Variants in KIAA1217 observed in about 807,000 individuals in gnomAD.
KIAA1217 encodes KIAA1217, also known as sickle tail protein homolog.
In KIAA1217, 88 loss-of-function variants were observed where a neutral mutation model predicts 163.9. That is an observed-to-expected ratio of 0.54 (90% CI 0.45 to 0.64). The LOEUF is 0.64. Ranked by LOEUF, KIAA1217 falls within the 30% of genes least tolerant of loss-of-function variation. The pLI is 0.00. For missense variants in KIAA1217, 2,372 were observed against 2,475.0 expected (o/e 0.96, Z 0.88); for synonymous variants, 903 against 923.1 (o/e 0.98, Z 0.39).
rs72776784 is a variant in KIAA1217 at position 24,492,731 on chromosome 10, C to T, written c.1680-1769C>T. On this transcript the variant is annotated intron_variant, in intron 6 of 20. Transcript: ENST00000376454. ...ACATTCCAAAGGCAAAACTCAAGGC[C>T]GCAATGCTTGAGTTGGACAAAATTA... Among the ~76,000 whole-genome samples the T allele has an allele frequency of 9.9e-3, 1,507 of 152,142 alleles. 17 individuals are homozygous for T. Among genetic ancestry groups the T allele is most frequent in the Non-Finnish European group, 0.016 (1,057 of 67,988 alleles).
At position 24,521,847 on chromosome 10, in the gene KIAA1217, T is replaced by C; in HGVS notation, c.2374T>C (p.Phe792Leu). The C allele has an allele frequency of 6.2e-7, 1 of 1,613,830 alleles. No homozygotes were observed. Among genetic ancestry groups the C allele is most frequent in the Non-Finnish European group, 8.5e-7 (1 of 1,179,998 alleles). The change falls in exon 12 of 21, where the codon TTT becomes CTT. Residue 792 changes from phenylalanine (F) to leucine (L), a missense_variant. Phe to Leu is a conservative substitution (Grantham distance 22, BLOSUM62 0). Transcript: ENST00000376454. ...ILRIEVEAVR[F>L]LKEEPHKLDS... is the part of the protein sequence containing the mutation. ...GCGCATAGAAGTGGAGGCCGTGCGG[T>C]TTCTGAAGGAGGAGCCACACAAGCT...
At chr10:24,095,862 T>C (rs2062138481) in intron 2 of KIAA1217, among the ~76,000 whole-genome samples, 1 of 152,146 alleles carries the variant, frequency 6.6e-6, no homozygotes, top group Non-Finnish European at 1.5e-5. Context: ...TCCCGGCACT[T>C]TGGGAGGCCA....
At chr10:24,006,573 A>C (rs1356078857) in intron 1 of KIAA1217, among the ~76,000 whole-genome samples, 1 of 152,188 alleles carries the variant, frequency 6.6e-6, no homozygotes, top group African/African-American at 2.4e-5. Flanking sequence ...CAACAATCCC[A>C]AAACCCTCCT....
intron 1 of KIAA1217, among the ~76,000 whole-genome samples, chr10:23,891,616 A>G (rs1203618923): frequency 6.6e-6 from 1 of 151,966 alleles, no homozygotes; most frequent in Non-Finnish European, 1.5e-5. Context: ...GCTTCGCCTC[A>G]TGAGTCTCTC....
intron 2 of KIAA1217, among the ~76,000 whole-genome samples, chr10:24,025,326 T>C (rs1847894003): frequency 6.6e-6 from 1 of 151,750 alleles, no homozygotes; most frequent in South Asian, 2.1e-4. Context: ...ATTGACCACA[T>C]ATGTGTGGGT....
chr10:24,353,534 A>C (rs941978831), intron 2 of KIAA1217, among the ~76,000 whole-genome samples: 1 of 152,124 alleles, frequency 6.6e-6, no homozygotes, highest in African/African-American at 2.4e-5. Context: ...CTGATCACTC[A>C]TGAACTGCAG....
intron 1 of KIAA1217, among the ~76,000 whole-genome samples, chr10:23,793,207 C>T (rs1486638458): frequency 2.0e-5 from 3 of 152,166 alleles, no homozygotes; most frequent in Non-Finnish European, 4.4e-5. Context: ...AGATTTCTAA[C>T]TGCTCAGTTG....
At chr10:24,111,649 C>A (rs999330096) in intron 2 of KIAA1217, among the ~76,000 whole-genome samples, 1 of 152,116 alleles carries the variant, frequency 6.6e-6, no homozygotes, top group Non-Finnish European at 1.5e-5. Flanking sequence ...TGCATAAACG[C>A]TTGTCCGTTG....
intron 1 of KIAA1217, among the ~76,000 whole-genome samples, chr10:23,790,537 A>G (rs558648619): frequency 1.1e-5 from 1 of 90,064 alleles, no homozygotes; most frequent in Non-Finnish European, 2.0e-5. Context: ...ATATACATAT[A>G]CATGTGCATA....
chr10:23,817,758 CAGA>C (rs1337129387), intron 1 of KIAA1217, among the ~76,000 whole-genome samples: 1 of 151,262 alleles, frequency 6.6e-6, no homozygotes, highest in Non-Finnish European at 1.5e-5. Flanking sequence ...AGGTGTTTGA[CAGA>C]AGAGTTTTTG....
chr10:24,502,427 A>G (rs1556405), intron 9 of KIAA1217, among the ~76,000 whole-genome samples: 45,775 of 151,890 alleles, frequency 0.3, 7,193 homozygotes, highest in Middle Eastern at 0.4. Context: ...TTGTTAAGGA[A>G]TATATAAACT....
At chr10:24,098,163 T>C (rs1040285000) in intron 2 of KIAA1217, among the ~76,000 whole-genome samples, 2 of 151,988 alleles carry the variant, frequency 1.3e-5, no homozygotes, top group African/African-American at 4.8e-5. Flanking sequence ...GTAAAGCATA[T>C]GGGATCTTAT....
chr10:24,399,239 A>G (rs995119221), intron 3 of KIAA1217, among the ~76,000 whole-genome samples: 1 of 152,170 alleles, frequency 6.6e-6, no homozygotes, highest in African/African-American at 2.4e-5. Context: ...TTTTTTCTTA[A>G]TGTCTATTGC....
intron 17 of KIAA1217, among the ~76,000 whole-genome samples, chr10:24,537,469 C>T (rs7079109): frequency 0.21 from 31,685 of 151,288 alleles, 3,446 homozygotes; most frequent in Middle Eastern, 0.39. Flanking sequence ...CTCAGCTACT[C>T]GGGAGGCTGA....
At chr10:23,697,988 T>C (rs899078804) in intron 1 of KIAA1217, among the ~76,000 whole-genome samples, 2 of 152,210 alleles carry the variant, frequency 1.3e-5, no homozygotes, top group Non-Finnish European at 2.9e-5. Context: ...TAGGCATTAA[T>C]ACTGGTTTTA....
intron 2 of KIAA1217, among the ~76,000 whole-genome samples, chr10:24,043,098 A>G (rs2131561224): frequency 6.6e-6 from 1 of 152,342 alleles, no homozygotes; most frequent in Non-Finnish European, 1.5e-5. Flanking sequence ...TGAGAAATGT[A>G]GTAACTTAAG....
At chr10:24,200,213 ATTT>A (rs758463596) in intron 2 of KIAA1217, among the ~76,000 whole-genome samples, 1 of 133,638 alleles carries the variant, frequency 7.5e-6, no homozygotes, top group African/African-American at 2.8e-5. Context: ...TTATTTTTTA[ATTT>A]TTTTTTTTTT....
intron 1 of KIAA1217, among the ~76,000 whole-genome samples, chr10:23,987,029 T>C (rs756968416): frequency 2.6e-5 from 4 of 152,176 alleles, no homozygotes; most frequent in Non-Finnish European, 5.9e-5. Context: ...CATTCTTTCA[T>C]GATCACAGAG....
intron 6 of KIAA1217, chr10:24,481,528 TC>T (rs2133310940): frequency 6.6e-6 from 1 of 152,172 alleles, no homozygotes; most frequent in African/African-American, 2.4e-5. Context: ...CTTCCCAAAG[TC>T]CAGCTTGGAA....
Sources: allele counts gnomAD v4.1 joint callset (sites outside exome capture counted in the v4.1 genomes callset), GRCh38; gene constraint gnomAD v4.1.1; transcripts MANE v1.5; gene names NCBI Gene and HGNC (gene_info 2026-07-23, HGNC 2026-07-21).